Variants in GTSF1 observed in about 807,000 individuals in gnomAD.
The protein encoded by GTSF1 is gametocyte specific factor 1, also known as gametocyte-specific factor 1.
A neutral mutation model predicts 28.9 loss-of-function variants in GTSF1; 11 were observed. That is an observed-to-expected ratio of 0.38 (90% confidence interval 0.24 to 0.63). The LOEUF (loss-of-function observed/expected upper bound fraction) is 0.63. GTSF1 is among the 30% of genes least tolerant of loss of function. GTSF1 has a pLI of 0.56. For missense variants in GTSF1, 146 were observed against 201.0 expected, an observed-to-expected ratio of 0.73 and a Z score of 1.66; for synonymous variants, 69 against 65.6, an observed-to-expected ratio of 1.05 and a Z score of -0.25.
At chr12:54,458,876 T>C (rs889658778) in intron 8 of GTSF1, among the ~76,000 whole-genome samples, 6 of 150,774 alleles carry the variant, frequency 4.0e-5, no homozygotes, top group Admixed American at 3.3e-4. Flanking sequence ...AGAAAACAAA[T>C]TGGCATGTTA....
At chr12:54,461,350 T>C (rs1490634112) in intron 6 of GTSF1, among the ~76,000 whole-genome samples, 3 of 152,052 alleles carry the variant, frequency 2.0e-5, no homozygotes, top group Non-Finnish European at 4.4e-5. Context: ...TCCTCCCACC[T>C]TGGCCTCCAG....
intron 8 of GTSF1, among the ~76,000 whole-genome samples, chr12:54,457,109 AC>A: frequency 6.6e-6 from 1 of 152,206 alleles, no homozygotes; most frequent in Middle Eastern, 3.4e-3. Flanking sequence ...AAACAAACAA[AC>A]AAAAACCCAA....
intron 2 of GTSF1, among the ~76,000 whole-genome samples, chr12:54,469,876 A>G (rs1239448251): frequency 2.0e-5 from 3 of 151,924 alleles, no homozygotes; most frequent in Admixed American, 1.3e-4. Context: ...ATCTTAAGTA[A>G]AAACACTTTA....
intron 2 of GTSF1, 102 bp from the exon 3 acceptor site, chr12:54,465,269 AG>A (rs1354018705): frequency 4.6e-6 from 3 of 658,278 alleles, no homozygotes; most frequent in African/African-American, 1.8e-5. Context: ...CTGTAATAAT[AG>A]AACAATATAG....
At chr12:54,465,270 GAAC>G (rs1956493095) in intron 2 of GTSF1, 103 bp from the exon 3 acceptor site, 2 of 638,434 alleles carry the variant, frequency 3.1e-6, no homozygotes, top group Non-Finnish European at 5.6e-6. Flanking sequence ...TGTAATAATA[GAAC>G]AATATAGTCT....
At chr12:54,456,918 C>G (rs1479284104) in intron 8 of GTSF1, among the ~76,000 whole-genome samples, 1 of 152,118 alleles carries the variant, frequency 6.6e-6, no homozygotes, top group Non-Finnish European at 1.5e-5. Context: ...AACACCATCT[C>G]TACTAAAAAT....
chr12:54,461,983 C>G, intron 6 of GTSF1, 126 bp downstream of exon 6: 1 of 654,592 alleles, frequency 1.5e-6, no homozygotes, highest in South Asian at 2.0e-5. Flanking sequence ...AAAACAATAT[C>G]TAGACTAAAC....
At chr12:54,464,440 T>C (rs1393015389) in intron 3 of GTSF1, among the ~76,000 whole-genome samples, 3 of 152,198 alleles carry the variant, frequency 2.0e-5, no homozygotes, top group African/African-American at 7.2e-5. Context: ...AATACCTCAA[T>C]TGTTTCCCAA....
chr12:54,456,348 CTTG>C (rs1281746195), intron 8 of GTSF1, among the ~76,000 whole-genome samples, 195 bp from the exon 9 acceptor site: 3 of 152,156 alleles, frequency 2.0e-5, no homozygotes, highest in Admixed American at 6.5e-5. Context: ...CACAGAGAAA[CTTG>C]TTAATTGAAT....
At position 54,471,880 on chromosome 12, in the gene GTSF1, A is replaced by AAAC. The variant is rs542553085; in HGVS notation, c.-29-604_-29-603insGTT. 1.9e-3 allele frequency: 285 copies of AAAC among 152,880 alleles called. 1 individual carries two copies. Among genetic ancestry groups the AAAC allele is most frequent in the African/African-American group, 6.2e-3 (257 of 41,156 alleles). The allele number at this position is 152,880 out of a possible 1,614,324, so 9.5% of individuals were successfully genotyped here. Reference sequence around the variant, plus strand: ...CAAAAAACAAAACAACCCCCCCCCAAAAACAAACAAACAAACAAACAAAAA... The same window carrying AAAC: ...CAAAAAACAAAACAACCCCCCCCCAAAACAAACAAACAAACAAACAAACAAAAA... On this transcript the variant is annotated intron_variant, in intron 1 of 8. Transcript: ENST00000305879.
At chr12:54,468,052 C>T (rs754255899) in intron 2 of GTSF1, among the ~76,000 whole-genome samples, 6 of 151,966 alleles carry the variant, frequency 3.9e-5, no homozygotes, top group African/African-American at 9.7e-5. Flanking sequence ...TGAGCCACCG[C>T]GCCTGGCCCA....
chr12:54,466,646 G>A (rs1436059184), intron 2 of GTSF1, among the ~76,000 whole-genome samples: 3 of 152,160 alleles, frequency 2.0e-5, no homozygotes, highest in Non-Finnish European at 4.4e-5. Flanking sequence ...GCAGCTGATA[G>A]ACTGGATGGT....
chr12:54,461,540 G>C (rs546045610), intron 6 of GTSF1, among the ~76,000 whole-genome samples: 7 of 152,190 alleles, frequency 4.6e-5, no homozygotes, highest in African/African-American at 1.4e-4. Flanking sequence ...CTTGCTATTT[G>C]AGAGGCCCAG....
Position 54,459,114 on chromosome 12 carries a change from G to C in GTSF1, c.499C>G (p.Gln167Glu). ...VLPWKNNGNA[Q>E] ...TTGATGAGATAGGTATTCAGTTACTGTGCATTTCCATCTACAAGTAGAAAT... is the reference window on the plus strand; with the variant it reads ...TTGATGAGATAGGTATTCAGTTACTCTGCATTTCCATCTACAAGTAGAAAT... The change falls in exon 8 of 9, where the codon CAG becomes GAG. Residue 167 changes from glutamine to glutamate, a missense_variant. Physicochemically the swap from Gln to Glu is conservative, Grantham distance 29 (BLOSUM62 2). Coordinates refer to ENST00000305879, the MANE Select transcript of GTSF1 (RefSeq NM_144594.3). The C allele has an allele frequency of 6.2e-7, 1 of 1,604,198 alleles. No homozygotes were observed. The highest frequency in any genetic ancestry group is 8.5e-7 in the Non-Finnish European group (1 of 1,173,132).
chr12:54,467,157 C>A (rs1956529696), intron 2 of GTSF1, among the ~76,000 whole-genome samples: 1 of 152,114 alleles, frequency 6.6e-6, no homozygotes, highest in Non-Finnish European at 1.5e-5. Context: ...CTCCTGGCAA[C>A]CACCATTACT....
intron 8 of GTSF1, among the ~76,000 whole-genome samples, chr12:54,457,391 T>A (rs544517716): frequency 1.4e-4 from 22 of 152,356 alleles, no homozygotes; most frequent in African/African-American, 4.3e-4. Context: ...GTATAGCATA[T>A]CAGAGAGGAA....
intron 2 of GTSF1, among the ~76,000 whole-genome samples, chr12:54,467,318 T>G (rs779171528): frequency 9.8e-4 from 146 of 149,364 alleles, no homozygotes; most frequent in Non-Finnish European, 2.0e-3. Context: ...TTTTTTTGTT[T>G]TTTGTTTTTT....
intron 8 of GTSF1, among the ~76,000 whole-genome samples, chr12:54,458,506 G>C (rs1249231033): frequency 2.0e-5 from 3 of 152,070 alleles, no homozygotes; most frequent in Non-Finnish European, 2.9e-5. Context: ...CGAGTTGCTG[G>C]GATTACAGGC....
intron 8 of GTSF1, among the ~76,000 whole-genome samples, chr12:54,457,254 G>A (rs1956347434): frequency 6.6e-6 from 1 of 152,188 alleles, no homozygotes; most frequent in East Asian, 1.9e-4. Flanking sequence ...ACCATAAAGA[G>A]TTAAGTCCCA....
Sources: allele counts gnomAD v4.1 joint callset (sites outside exome capture counted in the v4.1 genomes callset), GRCh38; gene constraint gnomAD v4.1.1; transcripts MANE v1.5; gene names NCBI Gene and HGNC (gene_info 2026-07-23, HGNC 2026-07-21).